GSG1L: variants seen among roughly 807,000 people sequenced by gnomAD.
GSG1L encodes the protein GSG1 like, also known as germ cell-specific gene 1-like protein.
A neutral mutation model predicts 42.1 loss-of-function variants in GSG1L; 24 were observed. That is an observed-to-expected ratio of 0.57 (90% CI 0.41 to 0.80). The LOEUF is 0.80. Ranked by LOEUF, GSG1L falls within the 30% of genes least tolerant of loss-of-function variation. The probability of loss-of-function intolerance (pLI) is 0.00; values close to 1 mark genes in which losing one functional copy is unlikely to be tolerated. For missense variants in GSG1L, 445 were observed against 472.2 expected (o/e 0.94, Z 0.53); for synonymous variants, 215 against 203.5 (o/e 1.06, Z -0.48).
chr16:27,947,595 A>G (rs1046106283), intron 2 of GSG1L, among the ~76,000 whole-genome samples: 2 of 78,900 alleles, frequency 2.5e-5, no homozygotes, highest in African/African-American at 1.6e-4. Context: ...GAAAGAAAGA[A>G]AGAAAAAGAA....
intron 6 of GSG1L, among the ~76,000 whole-genome samples, chr16:27,804,098 C>CAG (rs148259449): frequency 1.5e-4 from 22 of 145,008 alleles, no homozygotes; most frequent in African/African-American, 3.3e-4. Context: ...TAGGGAGGGA[C>CAG]AGAGAGAGAG....
chr16:27,814,553 C>T (rs537055803), intron 5 of GSG1L, among the ~76,000 whole-genome samples: 14 of 152,114 alleles, frequency 9.2e-5, no homozygotes, highest in Admixed American at 2.6e-4. Flanking sequence ...GGCGTGGTGG[C>T]GGGCGCCTAT....
In GSG1L at chr16:27,788,620, CCAGA is replaced by C. The variant is rs2082718084; in HGVS notation, c.*2746_*2749del. The C allele has an allele frequency of 6.6e-6, 1 of 152,278 alleles. No homozygotes were observed. Among genetic ancestry groups the C allele is most frequent in the African/African-American group, 2.4e-5 (1 of 41,548 alleles). 9.4% of individuals were successfully genotyped at this position (152,278 alleles called of 1,614,324 possible). ...TGCTATACTCTTGCCTGGCTGATGC[CCAGA>C]CAATCTTCATGTCTTGGCTTAGACA... On this transcript the variant is annotated 3_prime_UTR_variant, in exon 7 of 7. Coordinates refer to ENST00000447459, the MANE Select transcript of GSG1L (RefSeq NM_001109763.2).
At chr16:28,005,061 G>A (rs2085623712) in intron 1 of GSG1L, among the ~76,000 whole-genome samples, 1 of 152,210 alleles carries the variant, frequency 6.6e-6, no homozygotes, top group South Asian at 2.1e-4. Flanking sequence ...AAAATTAAGA[G>A]GTTGGTAGGG....
chr16:27,835,986 G>T (rs568691937), intron 4 of GSG1L, among the ~76,000 whole-genome samples: 6 of 152,032 alleles, frequency 3.9e-5, no homozygotes, highest in African/African-American at 1.4e-4. Context: ...TTTCCATTTT[G>T]TTTAGAGAGC....
chr16:27,799,064 C>T (rs993440444), intron 6 of GSG1L, among the ~76,000 whole-genome samples: 1 of 152,104 alleles, frequency 6.6e-6, no homozygotes, highest in African/African-American at 2.4e-5. Context: ...CAACAAGGTC[C>T]CTGTGCTGGT....
chr16:28,020,699 A>G (rs564117883), intron 1 of GSG1L, among the ~76,000 whole-genome samples: 26 of 152,308 alleles, frequency 1.7e-4, no homozygotes, highest in Admixed American at 3.9e-4. Flanking sequence ...TTCCAAGGCT[A>G]GGTCACAAAA....
At chr16:28,053,883 A>G (rs1185518108) in intron 1 of GSG1L, among the ~76,000 whole-genome samples, 1 of 151,048 alleles carries the variant, frequency 6.6e-6, no homozygotes, top group Non-Finnish European at 1.5e-5. Flanking sequence ...ACGTGCCTCG[A>G]TCTCCCTTTG....
intron 2 of GSG1L, among the ~76,000 whole-genome samples, chr16:27,911,266 GCTCT>G (rs71648556): frequency 0.021 from 2,523 of 122,138 alleles, 82 homozygotes; most frequent in African/African-American, 0.078. Context: ...CCTCTCTCTC[GCTCT>G]CTCTCTCTCT....
At chr16:28,050,337 C>T (rs1041244499) in intron 1 of GSG1L, among the ~76,000 whole-genome samples, 4 of 152,126 alleles carry the variant, frequency 2.6e-5, no homozygotes, top group Non-Finnish European at 5.9e-5. Flanking sequence ...CACACCACCA[C>T]GTCTGGCTAA....
At chr16:27,894,584 A>C (rs2084168437) in intron 2 of GSG1L, among the ~76,000 whole-genome samples, 1 of 152,226 alleles carries the variant, frequency 6.6e-6, no homozygotes, top group African/African-American at 2.4e-5. Context: ...TGAATCATGT[A>C]GATGATGTGG....
chr16:28,057,661 G>A (rs1175295994), intron 1 of GSG1L, among the ~76,000 whole-genome samples: 1 of 140,100 alleles, frequency 7.1e-6, no homozygotes, highest in Non-Finnish European at 1.5e-5. Context: ...CTGCAGCCTC[G>A]GGTCAGATGG....
intron 1 of GSG1L, among the ~76,000 whole-genome samples, chr16:28,018,162 T>C (rs945369958): frequency 2.0e-5 from 3 of 152,184 alleles, no homozygotes; most frequent in Admixed American, 6.5e-5. Flanking sequence ...TCAGAGAACA[T>C]GTTGTTCAAA....
chr16:28,060,016 G>T (rs2078955), intron 1 of GSG1L, among the ~76,000 whole-genome samples: 6,950 of 152,240 alleles, frequency 0.046, 246 homozygotes, highest in East Asian at 0.17. Context: ...ACAGGCGTTG[G>T]AGAGGAGGGA....
chr16:27,799,370 C>CA (rs553020093), intron 6 of GSG1L, among the ~76,000 whole-genome samples: 4 of 151,716 alleles, frequency 2.6e-5, no homozygotes, highest in Non-Finnish European at 5.9e-5. Flanking sequence ...TCCATCTCTA[C>CA]AAAAAAAATT....
In GSG1L at chr16:27,921,890, C is replaced by T. The variant is rs74015160; in HGVS notation, c.398-37252G>A. On this transcript the variant is annotated intron_variant, in intron 2 of 6. Transcript: ENST00000447459. Reference sequence around the variant, plus strand: ...GAAAGAGACTGGGGCATCAGAATGTCACTATTTCTAATAACCTAAGCCAAC... The same window carrying T: ...GAAAGAGACTGGGGCATCAGAATGTTACTATTTCTAATAACCTAAGCCAAC... 7.2e-3 allele frequency among the ~76,000 whole-genome samples: 1,100 copies of T among 152,200 alleles called. 15 individuals carry two copies. Among genetic ancestry groups the T allele is most frequent in the African/African-American group, 0.025 (1,042 of 41,516 alleles).
rs1304566556 is a variant in GSG1L at position 28,057,127 on chromosome 16, C to T, written c.349+5949G>A. On this transcript the variant is annotated intron_variant, in intron 1 of 6. Transcript: ENST00000447459. ...GGGCAGGAGGCAGCAGAGAAGACTG[C>T]AGACTTCCTGGCAGTCCTTGGAAGG... 2.0e-5 allele frequency among the ~76,000 whole-genome samples: 3 copies of T among 152,130 alleles called. No individual in the cohort carries two copies. In the East Asian group the frequency reaches 5.8e-4, roughly 29 times the overall value.
chr16:27,924,972 A>T (rs1165492764), intron 2 of GSG1L, among the ~76,000 whole-genome samples: 5 of 152,060 alleles, frequency 3.3e-5, no homozygotes. Context: ...TAAACCAATC[A>T]CTGTCAAGGG....
At chr16:27,802,332 A>C (rs545431861) in intron 6 of GSG1L, among the ~76,000 whole-genome samples, 22 of 152,274 alleles carry the variant, frequency 1.4e-4, no homozygotes, top group Admixed American at 8.5e-4. Flanking sequence ...TCTCTCACGC[A>C]TGCCAGCATC....
Sources: gnomAD v4.1 joint callset for allele counts (sites outside exome capture counted in the v4.1 genomes callset) on GRCh38, gnomAD v4.1.1 for gene constraint, MANE v1.5 for transcripts, NCBI Gene and HGNC (gene_info 2026-07-23, HGNC 2026-07-21) for gene names.